Variants in ARHGEF16 observed in about 807,000 individuals in gnomAD.
ARHGEF16 encodes the protein Rho guanine nucleotide exchange factor 16.
A neutral mutation model predicts 74.1 loss-of-function variants in ARHGEF16; 59 were observed. That is an observed-to-expected ratio of 0.80 (90% confidence interval 0.65 to 0.99). The LOEUF is 0.99. Ranked by LOEUF, ARHGEF16 falls within the 50% of genes least tolerant of loss-of-function variation. The probability of loss-of-function intolerance (pLI) is 0.00; values close to 1 mark genes in which losing one functional copy is unlikely to be tolerated. For synonymous variants in ARHGEF16, 415 were observed against 412.6 expected (o/e 1.01, Z -0.07); for missense variants, 948 against 986.6 (o/e 0.96, Z 0.52).
rs1639537512 is a variant in ARHGEF16 at position 3,466,160 on chromosome 1, A to C, written c.601A>C (p.Arg201=). ...SPAKNKKTLG[R]KRGHKGSFKD... ...CTCTTTTGTGCAGAAGACGCTGGGGAGGAAACGTGGGCACAAGGGTTCCTT... is the reference window on the plus strand; with the variant it reads ...CTCTTTTGTGCAGAAGACGCTGGGGCGGAAACGTGGGCACAAGGGTTCCTT... Residue 201 remains arginine, a synonymous_variant, in exon 3 of 15, where the codon AGG becomes CGG. Transcript: ENST00000378378. 1 of 1,547,406 alleles carries C rather than the reference A, an allele frequency of 6.5e-7. No individual in the cohort carries two copies. The highest frequency in any genetic ancestry group is 8.7e-7 in the Non-Finnish European group (1 of 1,145,584).
chr1:3,471,491 A>T (rs1025590445), intron 6 of ARHGEF16: 1 of 340,408 alleles, frequency 2.9e-6, no homozygotes, highest in African/African-American at 2.2e-5. Flanking sequence ...AGCTCCAGGG[A>T]CCAGCTATGG....
Position 3,473,529 on chromosome 1 carries a change from C to G in ARHGEF16, c.1305+7C>G. The G allele has an allele frequency of 6.2e-7, 1 of 1,606,066 alleles. No individual in the cohort carries two copies. On this transcript the variant is annotated splice_region_variant and intron_variant, in intron 8 of 14. Coordinates refer to ENST00000378378, the MANE Select transcript of ARHGEF16 (RefSeq NM_014448.4). ...GCTGCCCCTCCTGATGGATGTAAGT[C>G]CACGGCCTGAGGGTGGGGCCGGGCA...
At chr1:3,463,781 G>T in intron 2 of ARHGEF16, 109 bp downstream of exon 2, 1 of 920,924 alleles carries the variant, frequency 1.1e-6, no homozygotes. Context: ...CCGTTAGTAA[G>T]CACCTGCTGC....
At chr1:3,469,645 T>TC in intron 6 of ARHGEF16, 52 bp downstream of exon 6, 1 of 1,600,586 alleles carries the variant, frequency 6.2e-7, no homozygotes. Context: ...GGAAGGTGCC[T>TC]CCCCCCGTGG....
In ARHGEF16 at chr1:3,476,187, C is replaced by G. The variant is rs1360198036; in HGVS notation, c.1473+125C>G. 3.1e-6 allele frequency: 3 copies of G among 974,916 alleles called. No individual in the cohort carries two copies. The Admixed American group carries it at 7.7e-5, about 25-fold the overall frequency. 60.4% of individuals were successfully genotyped at this position (974,916 alleles called of 1,614,324 possible). A position where few individuals can be genotyped will look rare whatever the true frequency, so the allele number is the denominator to read the frequency against. Reference sequence around the variant, plus strand: ...GAGTGGGTGCCTGCCCTCATGAGGCCTGGGGGCTGGGCCTCCTAGGGCTGG... The same window carrying G: ...GAGTGGGTGCCTGCCCTCATGAGGCGTGGGGGCTGGGCCTCCTAGGGCTGG... On this transcript the variant is annotated intron_variant, in intron 10 of 14. Transcript: ENST00000378378.
At position 3,478,027 on chromosome 1, in the gene ARHGEF16, G is replaced by A; in HGVS notation, c.1625+1G>A. 2 of 1,612,706 alleles carry A rather than the reference G, an allele frequency of 1.2e-6. No individual in the cohort carries two copies. Among genetic ancestry groups the A allele is most frequent in the Non-Finnish European group, 8.5e-7 (1 of 1,179,894 alleles). On this transcript the variant is annotated splice_donor_variant, in intron 11 of 14. Coordinates refer to ENST00000378378, the MANE Select transcript of ARHGEF16 (RefSeq NM_014448.4). LOFTEE classifies it high-confidence loss of function. Reference sequence around the variant, plus strand: ...TCCTGGTTGTGACCAAGAAGAAGAGGTGGCCTTAGGGCAGGAGGGTGTGGG... The same window carrying A: ...TCCTGGTTGTGACCAAGAAGAAGAGATGGCCTTAGGGCAGGAGGGTGTGGG...
At chr1:3,461,335 G>A (rs545681875) in intron 1 of ARHGEF16, among the ~76,000 whole-genome samples, 15 of 152,378 alleles carry the variant, frequency 9.8e-5, no homozygotes, top group South Asian at 4.1e-4. Context: ...CACCGGCCAG[G>A]CCTGTTACAC....
intron 12 of ARHGEF16, 129 bp downstream of exon 12, chr1:3,478,741 C>A: frequency 1.9e-6 from 2 of 1,071,852 alleles, no homozygotes; most frequent in Non-Finnish European, 1.3e-6. Context: ...CCTGGCCCTG[C>A]TGTAGGTGCT....
chr1:3,479,469 G>A (rs778635507), intron 12 of ARHGEF16, 48 bp from the exon 13 acceptor site: 10 of 1,598,986 alleles, frequency 6.3e-6, no homozygotes, highest in South Asian at 1.1e-5. Flanking sequence ...AACATCAGAC[G>A]GGCAGGATCG....
At chr1:3,456,949 G>C (rs865946918) in intron 1 of ARHGEF16, among the ~76,000 whole-genome samples, 1 of 152,222 alleles carries the variant, frequency 6.6e-6, no homozygotes, top group African/African-American at 2.4e-5. Context: ...TCTCTGCTTA[G>C]CTGCCTAGGA....
chr1:3,457,725 T>A (rs1203024501), intron 1 of ARHGEF16, among the ~76,000 whole-genome samples: 3 of 152,300 alleles, frequency 2.0e-5, no homozygotes, highest in South Asian at 2.1e-4. Context: ...TTCCACCTGC[T>A]TGGACCGGCC....
intron 9 of ARHGEF16, 52 bp downstream of exon 9, chr1:3,474,834 TC>T: frequency 6.5e-7 from 1 of 1,528,044 alleles, no homozygotes; most frequent in Non-Finnish European, 9.0e-7. Context: ...CCCGACCCTG[TC>T]CCCACCCAAC....
intron 10 of ARHGEF16, among the ~76,000 whole-genome samples, chr1:3,477,539 C>A (rs74050525): frequency 6.6e-6 from 1 of 150,756 alleles, no homozygotes; most frequent in East Asian, 2.0e-4. Flanking sequence ...CCAGCGTCTG[C>A]GTAATTGCCA....
intron 1 of ARHGEF16, 38 bp downstream of exon 1, chr1:3,454,849 G>A (rs1639228077): frequency 6.6e-6 from 1 of 152,160 alleles, no homozygotes; most frequent in Non-Finnish European, 1.5e-5. Flanking sequence ...GGACAGGTGA[G>A]TCGGGGCTCG....
Position 3,473,174 on chromosome 1 carries a change from C to G in ARHGEF16, c.1119C>G (p.Pro373=), listed in dbSNP as rs71634334. ...LEEHAEKHFH[P]YIAYCSNEVY... is the part of the protein sequence containing the mutation. The stretch of plus-strand genomic sequence containing the variant: ...AGCACGCTGAGAAGCACTTCCACCC[C>G]TACATCGCCTACTGCTCCAACGAGG... The change falls in exon 7 of 15, where the codon CCC becomes CCG. Residue 373 remains proline (P), a synonymous_variant. Coordinates refer to ENST00000378378, the MANE Select transcript of ARHGEF16 (RefSeq NM_014448.4). The G allele has an allele frequency of 6.2e-7, 1 of 1,613,260 alleles. No individual in the cohort carries two copies. Among genetic ancestry groups the G allele is most frequent in the African/African-American group, 1.3e-5 (1 of 75,060 alleles).
At chr1:3,477,263 C>T (rs1333460370) in intron 10 of ARHGEF16, among the ~76,000 whole-genome samples, 1 of 149,026 alleles carries the variant, frequency 6.7e-6, no homozygotes, top group Non-Finnish European at 1.5e-5. Context: ...GCCCTCCCCC[C>T]CACCCTGTAC....
chr1:3,468,387 A>G (rs989280290), intron 4 of ARHGEF16, among the ~76,000 whole-genome samples: 2 of 152,074 alleles, frequency 1.3e-5, no homozygotes, highest in Admixed American at 6.5e-5. Flanking sequence ...ATCGAGCCAC[A>G]CTCCCGCCAA....
At chr1:3,457,279 G>A (rs1468387511) in intron 1 of ARHGEF16, among the ~76,000 whole-genome samples, 1 of 152,260 alleles carries the variant, frequency 6.6e-6, no homozygotes, top group African/African-American at 2.4e-5. Context: ...ACTGAGGTTG[G>A]ATGGACAGGT....
intron 8 of ARHGEF16, 96 bp downstream of exon 8, chr1:3,473,618 T>C: frequency 6.4e-7 from 1 of 1,559,704 alleles, no homozygotes; most frequent in Non-Finnish European, 8.7e-7. Flanking sequence ...CTTGTGACCT[T>C]CTCCTCCAGG....
Sources: allele counts gnomAD v4.1 joint callset (sites outside exome capture counted in the v4.1 genomes callset), GRCh38; gene constraint gnomAD v4.1.1; transcripts MANE v1.5; gene names NCBI Gene and HGNC (gene_info 2026-07-23, HGNC 2026-07-21).